LHPP: variants seen among roughly 807,000 people sequenced by gnomAD.
LHPP encodes the protein hLHPP.
Under a neutral mutation model 30.3 loss-of-function variants are expected in LHPP, and 24 were observed. The observed-to-expected ratio is 0.79, with a 90% CI of 0.57 to 1.11. The LOEUF is 1.11. Among genes scored for constraint, LHPP ranks in the 50% most tolerant of loss-of-function variants. The pLI is 0.00. For missense variants in LHPP, 356 were observed against 367.2 expected, an observed-to-expected ratio of 0.97 and a Z score of 0.25; for synonymous variants, 150 against 157.1, an observed-to-expected ratio of 0.95 and a Z score of 0.34.
At chr10:124,610,216 G>A (rs1160914558) in intron 6 of LHPP, among the ~76,000 whole-genome samples, 1 of 152,208 alleles carries the variant, frequency 6.6e-6, no homozygotes, top group African/African-American at 2.4e-5. Context: ...GACACCCTGT[G>A]TGGCATCACA....
At position 124,478,783 on chromosome 10, in the gene LHPP, C is replaced by G. The variant is rs1252508778; in HGVS notation, c.126-5356C>G. Among the ~76,000 whole-genome samples the G allele has an allele frequency of 6.6e-6, 1 of 152,146 alleles. No individual in the cohort carries two copies. Among genetic ancestry groups the G allele is most frequent in the Non-Finnish European group, 1.5e-5 (1 of 68,024 alleles). ...ATCCAGTTTGGGCCAGGCGCGGTGG[C>G]TCAGGCCGGGTGCCATGGCTCACGC... On this transcript the variant is annotated intron_variant, in intron 1 of 6. Transcript: ENST00000368842. This position sits in a 1 kb window ranked among gnomAD's most constrained non-coding sequence, Gnocchi z 4.7.
At chr10:124,514,159 GA>G (rs1389899534) in intron 5 of LHPP, among the ~76,000 whole-genome samples, 1 of 152,210 alleles carries the variant, frequency 6.6e-6, no homozygotes, top group African/African-American at 2.4e-5. Context: ...AGTGCTTTGG[GA>G]GAGCCACACA....
At chr10:124,531,861 C>A (rs1245960319) in intron 6 of LHPP, among the ~76,000 whole-genome samples, 1 of 152,106 alleles carries the variant, frequency 6.6e-6, no homozygotes, top group Non-Finnish European at 1.5e-5. Flanking sequence ...TTTTAGTGTC[C>A]CTTAGTATTT....
chr10:124,466,298 A>G (rs1381917856), intron 1 of LHPP, among the ~76,000 whole-genome samples: 1 of 152,240 alleles, frequency 6.6e-6, no homozygotes, highest in East Asian at 1.9e-4. Context: ...CAGAAATGCA[A>G]GAATGTATTT....
At chr10:124,563,903 G>A (rs1948443661) in intron 6 of LHPP, among the ~76,000 whole-genome samples, 1 of 152,116 alleles carries the variant, frequency 6.6e-6, no homozygotes, top group Admixed American at 6.5e-5. Flanking sequence ...TTTTGCAGTG[G>A]GATGGCAGTG....
chr10:124,585,050 T>G (rs1948786424), intron 6 of LHPP, among the ~76,000 whole-genome samples: 1 of 152,212 alleles, frequency 6.6e-6, no homozygotes, highest in African/African-American at 2.4e-5. Flanking sequence ...CCCCAAGATA[T>G]CTCATGTATA....
intron 6 of LHPP, among the ~76,000 whole-genome samples, chr10:124,519,460 GT>G (rs1355165028): frequency 1.3e-5 from 2 of 152,092 alleles, no homozygotes. Flanking sequence ...AATTTCAGTA[GT>G]TTTTGGAGAA....
rs118179745 is a variant in LHPP, at chr10:124,468,016, G to C, written c.125+6029G>C. Among the ~76,000 whole-genome samples the C allele has an allele frequency of 5.3e-5, 8 of 152,246 alleles. No homozygotes were observed. In the East Asian group the frequency reaches 1.5e-3, roughly 29 times the overall value. On this transcript the variant is annotated intron_variant, in intron 1 of 6. Coordinates refer to ENST00000368842, the MANE Select transcript of LHPP (RefSeq NM_022126.4). Reference sequence around the variant, plus strand: ...TGAGCCACCATGCCCAGCCCCCAAGGGACAGTTTGAGCCCTGGTCTGCCCA... The same window carrying C: ...TGAGCCACCATGCCCAGCCCCCAAGCGACAGTTTGAGCCCTGGTCTGCCCA...
At chr10:124,549,869 T>C (rs1283695821) in intron 6 of LHPP, among the ~76,000 whole-genome samples, 1 of 152,252 alleles carries the variant, frequency 6.6e-6, no homozygotes. Flanking sequence ...GCTTTTCTCA[T>C]CTGTAAATGG....
chr10:124,497,941 C>A, intron 4 of LHPP, 95 bp from the exon 5 acceptor site: 1 of 988,970 alleles, frequency 1.0e-6, no homozygotes, highest in Non-Finnish European at 1.6e-6. Flanking sequence ...AGGCCCTTGA[C>A]TCTTGGGGGC....
Position 124,593,615 on chromosome 10 carries a change from C to T in LHPP, c.717-19649C>T, listed in dbSNP as rs150599843. On this transcript the variant is annotated intron_variant, in intron 6 of 6. Coordinates refer to ENST00000368842, the MANE Select transcript of LHPP (RefSeq NM_022126.4). The surrounding 1 kb of genome is among the most constrained non-coding windows in gnomAD (Gnocchi z 4.9). ...CCCCAAGTGGCCCCGAGTGAGGCAC[C>T]ACCATGGACCTGATGGGCAGATCCC... Among the ~76,000 whole-genome samples the T allele has an allele frequency of 3.1e-3, 474 of 152,314 alleles. 2 individuals are homozygous for T. The highest frequency in any genetic ancestry group is 0.011 in the African/African-American group (447 of 41,554).
chr10:124,560,948 A>G (rs575727475), intron 6 of LHPP, among the ~76,000 whole-genome samples: 1 of 152,282 alleles, frequency 6.6e-6, no homozygotes, highest in Admixed American at 6.5e-5. Context: ...GCCAAGTGCA[A>G]TGAAAAACCC....
At chr10:124,484,670 C>CAGAGAGAGAGAG (rs5788664) in intron 2 of LHPP, among the ~76,000 whole-genome samples, 2 of 144,166 alleles carry the variant, frequency 1.4e-5, no homozygotes, top group African/African-American at 5.2e-5. Flanking sequence ...GAGAAAGAGA[C>CAGAGAGAGAGAG]AGAGAGAGAG....
intron 1 of LHPP, among the ~76,000 whole-genome samples, chr10:124,469,498 C>T (rs1952665306): frequency 6.8e-6 from 1 of 147,668 alleles, no homozygotes; most frequent in Admixed American, 6.9e-5. Context: ...CCCTTCACAC[C>T]AGCCCCTGAG....
chr10:124,559,093 C>T (rs746977539), intron 6 of LHPP, among the ~76,000 whole-genome samples: 11 of 152,238 alleles, frequency 7.2e-5, no homozygotes, highest in Non-Finnish European at 1.3e-4. Context: ...GGCCAGGCCG[C>T]GGCCCCCACC....
At position 124,464,404 on chromosome 10, in the gene LHPP, A is replaced by G. The variant is rs180691842; in HGVS notation, c.125+2417A>G. ...TGTCTGATGTCTGGGAGCTGCTGAG[A>G]TAATAGGGACCCAAACGGTCCCGCA... On this transcript the variant is annotated intron_variant, in intron 1 of 6. Transcript: ENST00000368842. Among the ~76,000 whole-genome samples, 112 of 152,244 alleles carry G rather than the reference A, an allele frequency of 7.4e-4. 1 individual carries two copies. The highest frequency in any genetic ancestry group is 7.1e-3 in the Admixed American group (109 of 15,288).
At chr10:124,521,693 G>A (rs77874556) in intron 6 of LHPP, among the ~76,000 whole-genome samples, 3,246 of 152,296 alleles carry the variant, frequency 0.021, 42 homozygotes, top group Non-Finnish European at 0.037. Flanking sequence ...TGGGGAGGCC[G>A]TCCAGGCTGG....
intron 6 of LHPP, among the ~76,000 whole-genome samples, chr10:124,549,938 C>A (rs1955438611): frequency 6.6e-6 from 1 of 152,248 alleles, no homozygotes; most frequent in Non-Finnish European, 1.5e-5. Context: ...CTGTGAAGCA[C>A]CTGGCATGGT....
At chr10:124,570,707 T>C (rs1271906905) in intron 6 of LHPP, among the ~76,000 whole-genome samples, 1 of 152,242 alleles carries the variant, frequency 6.6e-6, no homozygotes, top group African/African-American at 2.4e-5. Context: ...TTCATGTAAA[T>C]GGAATCAGAC....
Sources: allele counts gnomAD v4.1 joint callset (sites outside exome capture counted in the v4.1 genomes callset), GRCh38; gene constraint gnomAD v4.1.1; non-coding constraint Gnocchi (gnomAD v3.1); transcripts MANE v1.5; gene names NCBI Gene and HGNC (gene_info 2026-07-23, HGNC 2026-07-21).